The following IQSEC3 variants were observed in gnomAD, a reference collection of about 807,000 sequenced individuals.
The protein encoded by IQSEC3 is IQ motif and SEC7 domain-containing protein 3.
In IQSEC3, 50 loss-of-function variants were observed where a neutral mutation model predicts 105.4. The observed-to-expected ratio is 0.47, with a 90% CI of 0.38 to 0.60. IQSEC3 has a LOEUF of 0.60. Among genes scored for constraint, IQSEC3 ranks in the 20% least tolerant of loss-of-function variants. The pLI is 0.00. For missense variants in IQSEC3, 1,415 were observed against 1,630.0 expected (o/e 0.87, Z 2.27); for synonymous variants, 708 against 746.0 (o/e 0.95, Z 0.83).
chr12:169,037 C>T lies in IQSEC3; in HGVS notation c.2996C>T (p.Thr999Ile). ...GGGGAGCTGGAGAAGCAGCAGGGAA[C>T]AAAGACACTCTCCTTCAAGCCCTGC... ...IEWELEKQQG[T>I]KTLSFKPCGA... is the part of the protein sequence containing the mutation. The change falls in exon 12 of 14, where the codon ACA becomes ATA. Residue 999 changes from threonine to isoleucine, a missense_variant. Thr to Ile is a moderately conservative substitution (Grantham distance 89, BLOSUM62 -1). Around this residue, in one of 6 missense-constraint regions of IQSEC3, gnomAD observed 419 missense variants for 436.2 expected, o/e 0.96. Coordinates refer to ENST00000538872, the MANE Select transcript of IQSEC3 (RefSeq NM_001170738.2). 6.2e-7 allele frequency: 1 copy of T among 1,614,112 alleles called. No individual in the cohort carries two copies.
At chr12:133,652 A>G (rs558787668) in intron 3 of IQSEC3, among the ~76,000 whole-genome samples, 1 of 151,654 alleles carries the variant, frequency 6.6e-6, no homozygotes, top group Non-Finnish European at 1.5e-5. Flanking sequence ...CTGGAGGTTC[A>G]GTGTAAAATA....
chr12:136,724 G>A (rs1373548105), intron 3 of IQSEC3, among the ~76,000 whole-genome samples: 1 of 152,162 alleles, frequency 6.6e-6, no homozygotes, highest in Non-Finnish European at 1.5e-5. Flanking sequence ...GGCATGTCTG[G>A]TTGTGAATAG....
chr12:103,851 A>AGGCAGGGC (rs1864542641), intron 2 of IQSEC3, among the ~76,000 whole-genome samples: 1 of 1,898 alleles, frequency 5.3e-4, no homozygotes, highest in Non-Finnish European at 1.0e-3. Flanking sequence ...GGTGGAGTTC[A>AGGCAGGGC]TGAGGGGAGG....
At position 67,069 on chromosome 12, in the gene IQSEC3, C is replaced by G; in HGVS notation, c.187C>G (p.Gln63Glu). ...GGAGCACCAGCAGCTGCTGCAAGCC[C>G]AGCCTCCGCCCGGGCTCGTCCCCCC... ...LWEHQQLLQA[Q>E]PPPGLVPPSS... Residue 63 changes from glutamine to glutamate, a missense_variant, in exon 1 of 14, where the codon CAG (glutamine) becomes GAG (glutamate). By Grantham distance (29) the Gln-to-Glu change is conservative. Transcript: ENST00000538872. The G allele has an allele frequency of 6.5e-7, 1 of 1,530,016 alleles. No homozygotes were observed. The highest frequency in any genetic ancestry group is 8.7e-7 in the Non-Finnish European group (1 of 1,144,836). The allele number at this position is 1,530,016 out of a possible 1,614,324, so 94.8% of individuals were successfully genotyped here.
intron 1 of IQSEC3, among the ~76,000 whole-genome samples, chr12:73,691 A>AAAG (rs1188453650): frequency 6.6e-6 from 1 of 152,246 alleles, no homozygotes; most frequent in Non-Finnish European, 1.5e-5. Context: ...AGAAAAAGAA[A>AAAG]AAGAAAAAGA....
At chr12:124,055 G>T (rs1389288699) in intron 2 of IQSEC3, among the ~76,000 whole-genome samples, 1 of 152,072 alleles carries the variant, frequency 6.6e-6, no homozygotes, top group Non-Finnish European at 1.5e-5. Context: ...TAACACATAG[G>T]CCCTGGCTTC....
At position 125,658 on chromosome 12, in the gene IQSEC3, G is replaced by T. The variant is rs1555083035; in HGVS notation, c.649G>T (p.Gly217Trp). The T allele has an allele frequency of 8.5e-6, 13 of 1,525,966 alleles. No individual in the cohort carries two copies. The South Asian group carries it at 1.5e-4, about 18-fold the overall frequency. The allele number at this position is 1,525,966 out of a possible 1,614,324, so 94.5% of individuals were successfully genotyped here. Residue 217 changes from glycine (G) to tryptophan (W), a missense_variant, in exon 3 of 14, where the codon GGG becomes TGG. By Grantham distance (184) the Gly-to-Trp change is radical (BLOSUM62 -2). Coordinates refer to ENST00000538872, the MANE Select transcript of IQSEC3 (RefSeq NM_001170738.2). ...QSDGSCTQAGGGMEDSVVAAA... is the reference protein window; with the variant it reads ...QSDGSCTQAGWGMEDSVVAAA... ...TGATGGCTCCTGCACCCAGGCCGGTGGGGGCATGGAGGACTCCGTGGTGGC... is the reference window on the plus strand; with the variant it reads ...TGATGGCTCCTGCACCCAGGCCGGTTGGGGCATGGAGGACTCCGTGGTGGC...
At chr12:114,011 G>A (rs976629359) in intron 2 of IQSEC3, among the ~76,000 whole-genome samples, 1 of 152,204 alleles carries the variant, frequency 6.6e-6, no homozygotes, top group African/African-American at 2.4e-5. Flanking sequence ...CTATGACCTT[G>A]GTTAAATTCC....
chr12:170,672 G>T (rs188995488), intron 12 of IQSEC3, among the ~76,000 whole-genome samples: 2 of 152,212 alleles, frequency 1.3e-5, no homozygotes, highest in Non-Finnish European at 2.9e-5. Context: ...CCGGCACTGC[G>T]GTGAGTGCTG....
At chr12:161,211 C>T (rs1227641756) in intron 7 of IQSEC3, among the ~76,000 whole-genome samples, 2 of 152,102 alleles carry the variant, frequency 1.3e-5, no homozygotes, top group African/African-American at 2.4e-5. Context: ...ATAAAAGAAG[C>T]GTATAGTCAT....
At chr12:121,582 C>T (rs897203668) in intron 2 of IQSEC3, among the ~76,000 whole-genome samples, 96 of 152,260 alleles carry the variant, frequency 6.3e-4, no homozygotes, top group African/African-American at 2.0e-3. Context: ...GTGGCTGGAA[C>T]GGGGTAGGAG....
At position 176,331 on chromosome 12, in the gene IQSEC3, G is replaced by A. The variant is rs1453213964; in HGVS notation, c.*1298G>A. On this transcript the variant is annotated 3_prime_UTR_variant, in exon 14 of 14. Transcript: ENST00000538872. This position sits in a 1 kb window ranked among gnomAD's most constrained non-coding sequence, Gnocchi z 4.0. ...AGCCAGACGAGAGGCAGCCACCCCA[G>A]AGACCACAGGAGCCGTACCATGGCC... is the stretch of plus-strand genomic sequence containing the variant. The A allele has an allele frequency of 2.0e-5, 3 of 152,392 alleles. No homozygotes were observed. The highest frequency in any genetic ancestry group is 4.1e-4 in the South Asian group (2 of 4,830). 9.4% of individuals were successfully genotyped at this position (152,392 alleles called of 1,614,324 possible).
intron 5 of IQSEC3, among the ~76,000 whole-genome samples, chr12:153,230 G>A (rs73603146): frequency 0.02 from 2,983 of 152,190 alleles, 85 homozygotes; most frequent in African/African-American, 0.066. Flanking sequence ...GCTTATGGTA[G>A]ACAGCACAGT....
At chr12:157,271 T>C (rs1866723377) in intron 6 of IQSEC3, 124 bp downstream of exon 6, 1 of 1,350,128 alleles carries the variant, frequency 7.4e-7, no homozygotes, top group East Asian at 2.6e-5. Flanking sequence ...ACACCCCTTC[T>C]GGTGTGGGCA....
At chr12:123,138 C>T (rs1555082260) in intron 2 of IQSEC3, among the ~76,000 whole-genome samples, 1 of 152,180 alleles carries the variant, frequency 6.6e-6, no homozygotes, top group Non-Finnish European at 1.5e-5. Flanking sequence ...GGCACGCTGG[C>T]TCATGCCTGC....
chr12:159,118 T>C (rs1270311355), intron 7 of IQSEC3, among the ~76,000 whole-genome samples: 1 of 152,260 alleles, frequency 6.6e-6, no homozygotes, highest in Non-Finnish European at 1.5e-5. Flanking sequence ...AGTCTGCAAG[T>C]GCAGAATGAT....
chr12:112,267 C>T (rs1049605401), intron 2 of IQSEC3, among the ~76,000 whole-genome samples: 12 of 41,982 alleles, frequency 2.9e-4, no homozygotes, highest in Admixed American at 1.5e-3. Flanking sequence ...TTCTTTGGTT[C>T]GGGGAGGGCA....
intron 13 of IQSEC3, among the ~76,000 whole-genome samples, chr12:172,104 C>G (rs1329348024): frequency 6.6e-6 from 1 of 152,164 alleles, no homozygotes; most frequent in Non-Finnish European, 1.5e-5. Context: ...CAACCCTAAC[C>G]TCGACCCGGA....
Position 139,120 on chromosome 12 carries a change from G to GGGCCGA in IQSEC3, c.1767_1772dup (p.Glu590_Ala591dup), listed in dbSNP as rs1252645304. ...GAGGAGACGGCGGAGGTGGGGAGAG[G>GGGCCGA]GGCCGAGGCCGAGGCAGGCGACTTG... On this transcript the variant is annotated inframe_insertion, in exon 4 of 14. Transcript: ENST00000538872. 2.6e-6 allele frequency: 4 copies of GGGCCGA among 1,512,964 alleles called. No individual in the cohort carries two copies. Among genetic ancestry groups the GGGCCGA allele is most frequent in the African/African-American group, 2.8e-5 (2 of 72,244 alleles). 93.7% of individuals were successfully genotyped at this position (1,512,964 alleles called of 1,614,324 possible).
Sources: allele counts gnomAD v4.1 joint callset (sites outside exome capture counted in the v4.1 genomes callset), GRCh38; gene constraint gnomAD v4.1.1; regional missense constraint gnomAD v4.1.1; non-coding constraint Gnocchi (gnomAD v3.1); transcripts MANE v1.5; gene names NCBI Gene and HGNC (gene_info 2026-07-23, HGNC 2026-07-21).